Variants in PTPRN2 observed in about 807,000 individuals in gnomAD.
The protein encoded by PTPRN2 is protein tyrosine phosphatase receptor type N2, also known as receptor-type tyrosine-protein phosphatase N2.
In PTPRN2, 74 loss-of-function variants were observed where a neutral mutation model predicts 118.8. The observed-to-expected ratio is 0.62, with a 90% CI of 0.52 to 0.76. The LOEUF is 0.76. Among genes scored for constraint, PTPRN2 ranks in the 30% least tolerant of loss-of-function variants. The pLI, the probability that PTPRN2 is intolerant of heterozygous loss-of-function variation, is 0.00. For synonymous variants in PTPRN2, 641 were observed against 608.0 expected (o/e 1.05, Z -0.80); for missense variants, 1,481 against 1,394.4 (o/e 1.06, Z -0.99).
intron 4 of PTPRN2, among the ~76,000 whole-genome samples, chr7:158,197,655 G>C (rs575549788): frequency 6.6e-6 from 1 of 152,290 alleles, no homozygotes; most frequent in African/African-American, 2.4e-5. Context: ...AGCATGGCTG[G>C]GGAGGTCTCA....
At chr7:158,101,946 C>T (rs111789792) in intron 10 of PTPRN2, among the ~76,000 whole-genome samples, 16 of 152,328 alleles carry the variant, frequency 1.1e-4, no homozygotes, top group African/African-American at 2.4e-4. Context: ...CCCGTCACTA[C>T]GCCACGGTGG....
intron 2 of PTPRN2, among the ~76,000 whole-genome samples, chr7:158,414,985 A>T (rs1814531365): frequency 6.6e-6 from 1 of 152,078 alleles, no homozygotes; most frequent in African/African-American, 2.4e-5. Context: ...CTGATGATAC[A>T]ACCAGCTACT....
intron 2 of PTPRN2, among the ~76,000 whole-genome samples, chr7:158,471,796 T>C (rs1819875563): frequency 6.6e-6 from 1 of 152,198 alleles, no homozygotes; most frequent in South Asian, 2.1e-4. Flanking sequence ...CTCTGATTTC[T>C]GAATTGAAAA....
At chr7:158,292,498 A>G (rs1293024227) in intron 3 of PTPRN2, among the ~76,000 whole-genome samples, 1 of 152,248 alleles carries the variant, frequency 6.6e-6, no homozygotes, top group East Asian at 1.9e-4. Flanking sequence ...TTTTAATCCT[A>G]AGAGTAGTAC....
At chr7:158,405,193 A>G (rs1330045358) in intron 2 of PTPRN2, among the ~76,000 whole-genome samples, 1 of 152,134 alleles carries the variant, frequency 6.6e-6, no homozygotes, top group Non-Finnish European at 1.5e-5. Context: ...GGATGCCTGG[A>G]GTCCACATCC....
chr7:157,989,057 C>T (rs561457677), intron 11 of PTPRN2, among the ~76,000 whole-genome samples: 4 of 152,334 alleles, frequency 2.6e-5, no homozygotes, highest in Non-Finnish European at 4.4e-5. Flanking sequence ...TCTAAAGGTG[C>T]AGATACCCCC....
chr7:158,055,815 G>A (rs963271731), intron 11 of PTPRN2, among the ~76,000 whole-genome samples: 12 of 152,080 alleles, frequency 7.9e-5, no homozygotes, highest in Admixed American at 3.3e-4. Flanking sequence ...CTGGCATTCC[G>A]GGCTACTACT....
chr7:158,062,556 G>T (rs923758487), intron 11 of PTPRN2, among the ~76,000 whole-genome samples: 1 of 152,100 alleles, frequency 6.6e-6, no homozygotes, highest in African/African-American at 2.4e-5. Flanking sequence ...CCCTCTGCTT[G>T]TGGGGAGGTG....
intron 11 of PTPRN2, among the ~76,000 whole-genome samples, chr7:157,920,580 G>A (rs1037402985): frequency 6.6e-6 from 1 of 152,230 alleles, no homozygotes; most frequent in Non-Finnish European, 1.5e-5. Flanking sequence ...AACCACTTGT[G>A]TTTTATCAAT....
chr7:158,094,796 G>A (rs191541447), intron 10 of PTPRN2, among the ~76,000 whole-genome samples: 174 of 152,330 alleles, frequency 1.1e-3, no homozygotes, highest in African/African-American at 3.9e-3. Context: ...GGACAGGCAG[G>A]AAAGGTGAGA....
At chr7:157,923,337 C>A (rs1798792251) in intron 11 of PTPRN2, among the ~76,000 whole-genome samples, 1 of 152,166 alleles carries the variant, frequency 6.6e-6, no homozygotes, top group Admixed American at 6.5e-5. Flanking sequence ...TGTGTTCTGG[C>A]AGGGCAAGAA....
At chr7:158,008,712 C>T (rs1358649651) in intron 11 of PTPRN2, among the ~76,000 whole-genome samples, 1 of 152,240 alleles carries the variant, frequency 6.6e-6, no homozygotes, top group Non-Finnish European at 1.5e-5. Flanking sequence ...CTTCACACAG[C>T]GCTTGGCGCA....
Position 158,000,068 on chromosome 7 carries a change from G to A in PTPRN2, c.1723+81230C>T, listed in dbSNP as rs371935553. The stretch of plus-strand genomic sequence containing the variant: ...TGCCCGGCTAATTTCTGTATTTTTA[G>A]TAGGGATGGGGCTTCACCATGTTGG... On this transcript the variant is annotated intron_variant, in intron 11 of 22. Transcript: ENST00000389418. Among the ~76,000 whole-genome samples the A allele has an allele frequency of 9.9e-5, 15 of 152,130 alleles. No individual in the cohort carries two copies. The East Asian group carries it at 2.9e-3, about 30-fold the overall frequency.
intron 11 of PTPRN2, among the ~76,000 whole-genome samples, chr7:157,979,462 C>T (rs761128159): frequency 3.3e-5 from 5 of 152,208 alleles, no homozygotes; most frequent in Non-Finnish European, 7.3e-5. Context: ...GGCAACTGCA[C>T]GTTGCTGAGT....
chr7:157,634,250 G>C (rs1023838486), intron 14 of PTPRN2, among the ~76,000 whole-genome samples: 3 of 152,096 alleles, frequency 2.0e-5, no homozygotes, highest in African/African-American at 7.2e-5. Flanking sequence ...TGAGAAGCAA[G>C]GTCATACCTA....
intron 5 of PTPRN2, among the ~76,000 whole-genome samples, chr7:158,178,879 G>A (rs887081066): frequency 2.0e-5 from 3 of 152,142 alleles, no homozygotes; most frequent in Non-Finnish European, 2.9e-5. Context: ...TTATAGGCGT[G>A]AGCCACTGCA....
chr7:157,900,174 C>A (rs972122069), intron 11 of PTPRN2, among the ~76,000 whole-genome samples: 1 of 152,222 alleles, frequency 6.6e-6, no homozygotes, highest in African/African-American at 2.4e-5. Flanking sequence ...CCGGGGAGCG[C>A]CCTTTTCCTG....
At chr7:158,355,957 A>G in intron 2 of PTPRN2, among the ~76,000 whole-genome samples, 1 of 152,168 alleles carries the variant, frequency 6.6e-6, no homozygotes, top group East Asian at 1.9e-4. Flanking sequence ...TCCAGGCGCC[A>G]CCACCCAGCC....
chr7:158,012,715 A>G (rs773210443), intron 11 of PTPRN2, among the ~76,000 whole-genome samples: 2 of 152,200 alleles, frequency 1.3e-5, no homozygotes, highest in African/African-American at 2.4e-5. Context: ...CACCTCTTGG[A>G]CCATGGTGTA....
Sources: gnomAD v4.1 joint callset for allele counts (sites outside exome capture counted in the v4.1 genomes callset) on GRCh38, gnomAD v4.1.1 for gene constraint, MANE v1.5 for transcripts, NCBI Gene and HGNC (gene_info 2026-07-23, HGNC 2026-07-21) for gene names.